Variants in SLC6A2 observed in about 807,000 individuals in gnomAD.
SLC6A2 encodes sodium-dependent noradrenaline transporter.
A neutral mutation model predicts 71.7 loss-of-function variants in SLC6A2; 26 were observed. That is an observed-to-expected ratio of 0.36 (90% CI 0.27 to 0.50). The LOEUF is 0.50. Ranked by LOEUF, SLC6A2 falls within the 20% of genes least tolerant of loss-of-function variation. SLC6A2 has a pLI of 0.96. For synonymous variants in SLC6A2, 363 were observed against 337.9 expected, an observed-to-expected ratio of 1.07 and a Z score of -0.82; for missense variants, 581 against 803.9, an observed-to-expected ratio of 0.72 and a Z score of 3.35.
chr16:55,702,188 T>C, intron 14 of SLC6A2, 135 bp from the exon 15 acceptor site: 1 of 940,054 alleles, frequency 1.1e-6, no homozygotes, highest in Non-Finnish European at 1.8e-6. Flanking sequence ...GGAATCAACT[T>C]GCACGTTCCC....
intron 5 of SLC6A2, among the ~76,000 whole-genome samples, chr16:55,690,053 TCATC>T (rs748486956): frequency 3.3e-5 from 5 of 152,038 alleles, no homozygotes; most frequent in Admixed American, 2.0e-4. Context: ...ACCCACTCAT[TCATC>T]CATCCATCCA....
At chr16:55,664,616 C>T (rs1031258239) in intron 2 of SLC6A2, among the ~76,000 whole-genome samples, 3 of 152,204 alleles carry the variant, frequency 2.0e-5, no homozygotes, top group Admixed American at 2.0e-4. Flanking sequence ...TTACGGAGCA[C>T]CCACTAAGTG....
intron 4 of SLC6A2, among the ~76,000 whole-genome samples, chr16:55,677,118 A>C (rs1338260837): frequency 1.3e-5 from 2 of 152,190 alleles, no homozygotes; most frequent in African/African-American, 4.8e-5. Context: ...AATCAGGCTG[A>C]CATCTCTATA....
intron 8 of SLC6A2, 113 bp from the exon 9 acceptor site, chr16:55,696,112 T>C: frequency 1.3e-6 from 1 of 756,774 alleles, no homozygotes; most frequent in Non-Finnish European, 2.4e-6. Flanking sequence ...TCTAAACCTG[T>C]GTTCTGTCCG....
chr16:55,689,806 A>G (rs1965558371), intron 5 of SLC6A2, among the ~76,000 whole-genome samples: 1 of 152,182 alleles, frequency 6.6e-6, no homozygotes, highest in Admixed American at 6.5e-5. Context: ...TGCCTCCCTG[A>G]AAGAAAACAA....
At chr16:55,697,016 A>T (rs1965820668) in intron 9 of SLC6A2, among the ~76,000 whole-genome samples, 1 of 152,282 alleles carries the variant, frequency 6.6e-6, no homozygotes, top group East Asian at 1.9e-4. Flanking sequence ...AACAAACAAA[A>T]ACATTTTGAA....
chr16:55,689,584 A>C (rs1459541797), intron 5 of SLC6A2, among the ~76,000 whole-genome samples: 1 of 152,208 alleles, frequency 6.6e-6, no homozygotes, highest in Non-Finnish European at 1.5e-5. Flanking sequence ...AGCTATTGAC[A>C]TGAGTTTTAG....
chr16:55,698,302 G>A (rs1965863079), intron 10 of SLC6A2, among the ~76,000 whole-genome samples, 167 bp from the exon 11 acceptor site: 1 of 152,126 alleles, frequency 6.6e-6, no homozygotes, highest in Non-Finnish European at 1.5e-5. Context: ...GGCTGAAACT[G>A]AGGTGACTGT....
intron 12 of SLC6A2, 112 bp downstream of exon 12, chr16:55,699,766 C>T: frequency 1.2e-6 from 1 of 804,322 alleles, no homozygotes; most frequent in South Asian, 1.4e-5. Context: ...TCCAGAGGCC[C>T]TGGTCATGCA....
In SLC6A2 at chr16:55,700,174, A is replaced by T. The variant is rs1239487297; in HGVS notation, c.1626A>T (p.Pro542=). ...VVVVSIINFK[P]LTYDDYIFPP... ...TGGTCAGCATCATCAACTTCAAGCC[A>T]CTCACCTACGACGACTACATCTTCC... is the stretch of plus-strand genomic sequence containing the variant. Residue 542 remains proline (P), a synonymous_variant, in exon 13 of 15, where the codon CCA becomes CCT. Transcript: ENST00000568943. 1.2e-5 allele frequency: 19 copies of T among 1,613,452 alleles called. No homozygotes were observed. Among genetic ancestry groups the T allele is most frequent in the Non-Finnish European group, 1.5e-5 (18 of 1,179,908 alleles).
chr16:55,683,024 A>G (rs529597834), intron 4 of SLC6A2, among the ~76,000 whole-genome samples: 2 of 152,314 alleles, frequency 1.3e-5, no homozygotes, highest in South Asian at 4.2e-4. Context: ...GCCTTCAGTG[A>G]CAAATGAACG....
intron 4 of SLC6A2, 93 bp downstream of exon 4, chr16:55,672,268 G>A: frequency 4.4e-6 from 7 of 1,606,362 alleles, no homozygotes; most frequent in Non-Finnish European, 5.1e-6. Flanking sequence ...CCAAGGAGAC[G>A]CATGCCGTCA....
intron 8 of SLC6A2, among the ~76,000 whole-genome samples, chr16:55,695,644 T>C (rs1965774191): frequency 6.6e-6 from 1 of 152,214 alleles, no homozygotes. Context: ...GATTTTGGAC[T>C]GTCCTCTCTG....
At position 55,700,201 on chromosome 16, in the gene SLC6A2, G is replaced by C; in HGVS notation, c.1653G>C (p.Pro551=). 1 of 1,613,846 alleles carries C rather than the reference G, an allele frequency of 6.2e-7. No individual in the cohort carries two copies. The highest frequency in any genetic ancestry group is 1.7e-5 in the Admixed American group (1 of 60,004). ...KPLTYDDYIF[P]PWANWVGWGI... is the part of the protein sequence containing the mutation. ...TCACCTACGACGACTACATCTTCCC[G>C]CCCTGGGCCAACTGGGTGGGGTGGG... Residue 551 remains proline (P), a synonymous_variant, in exon 13 of 15, where the codon CCG becomes CCC. Transcript: ENST00000568943.
chr16:55,697,177 G>A lies in SLC6A2; in HGVS notation c.1261-720G>A, dbSNP rs76692005. Among the ~76,000 whole-genome samples the A allele has an allele frequency of 9.3e-3, 1,422 of 152,280 alleles. 25 individuals carry two copies. Among genetic ancestry groups the A allele is most frequent in the African/African-American group, 0.033 (1,358 of 41,556 alleles). ...GCTGGCACTTGGTTTTCCTCCCACT[G>A]CCTTTTGCTTTCAGTCAGCAGATCT... On this transcript the variant is annotated intron_variant, in intron 9 of 14. Coordinates refer to ENST00000568943, the MANE Select transcript of SLC6A2 (RefSeq NM_001172501.3).
At chr16:55,702,037 G>A (rs1175660363) in intron 14 of SLC6A2, 103 bp downstream of exon 14, 1 of 962,390 alleles carries the variant, frequency 1.0e-6, no homozygotes, top group Non-Finnish European at 1.7e-6. Flanking sequence ...AGAAAACCCA[G>A]AAACCCAGTG....
intron 7 of SLC6A2, 124 bp from the exon 8 acceptor site, chr16:55,695,154 G>A (rs373399518): frequency 9.2e-7 from 1 of 1,087,366 alleles, no homozygotes; most frequent in East Asian, 2.4e-5. Context: ...GGCAGCAGGA[G>A]CCACTGAAGG....
chr16:55,691,826 C>A, intron 5 of SLC6A2, 92 bp from the exon 6 acceptor site: 1 of 1,435,444 alleles, frequency 7.0e-7, no homozygotes, highest in Non-Finnish European at 9.7e-7. Flanking sequence ...AAGAGCATGA[C>A]TGGCTCCCTG....
At position 55,700,243 on chromosome 16, in the gene SLC6A2, C is replaced by A. The variant is rs1168119715; in HGVS notation, c.1695C>A (p.Ser565=). Residue 565 remains serine, a synonymous_variant, in exon 13 of 15, where the codon TCC becomes TCA. Coordinates refer to ENST00000568943, the MANE Select transcript of SLC6A2 (RefSeq NM_001172501.3). ...NWVGWGIALS[S]MVLVPIYVIY... ...TGGGGTGGGGCATCGCCCTGTCCTC[C>A]ATGGTCCTGGTGCCCATCTACGTCA... is the stretch of plus-strand genomic sequence containing the variant. 5 of 1,614,022 alleles carry A rather than the reference C, an allele frequency of 3.1e-6. No homozygotes were observed. Among genetic ancestry groups the A allele is most frequent in the Non-Finnish European group, 4.2e-6 (5 of 1,180,024 alleles).
Sources: allele counts gnomAD v4.1 joint callset (sites outside exome capture counted in the v4.1 genomes callset), GRCh38; gene constraint gnomAD v4.1.1; transcripts MANE v1.5; gene names NCBI Gene and HGNC (gene_info 2026-07-23, HGNC 2026-07-21).